The following PREPL variants were observed in gnomAD, a reference collection of about 807,000 sequenced individuals.
The protein encoded by PREPL is prolyl endopeptidase like, also known as prolyl endopeptidase-like.
In PREPL, 77 loss-of-function variants were observed where a neutral mutation model predicts 70.6. That is an observed-to-expected ratio of 1.09 (90% CI 0.91 to 1.32). The LOEUF (loss-of-function observed/expected upper bound fraction) is 1.32, where lower values mean the gene tolerates loss of function less well. Ranked by LOEUF, PREPL falls within the 40% of genes most tolerant of loss-of-function variation. PREPL has a pLI of 0.00. For synonymous variants in PREPL, 315 were observed against 264.8 expected (o/e 1.19, Z -1.84); for missense variants, 1,002 against 778.2 (o/e 1.29, Z -3.42).
rs1255168540 is a variant in PREPL at position 44,360,767 on chromosome 2, G to C, written c.-49+613C>G. ...TTAACATTAAGACCATACAGTGCCT[G>C]GCACATAGTGACCACTCAATAAATG... On this transcript the variant is annotated intron_variant, in intron 1 of 13. Coordinates refer to ENST00000409411, the MANE Select transcript of PREPL (RefSeq NM_001171613.2). The C allele has an allele frequency of 3.9e-5, 6 of 152,284 alleles. No homozygotes were observed. The South Asian group carries it at 1.2e-3, about 32-fold the overall frequency. The allele number at this position is 152,284 out of a possible 1,614,324, so 9.4% of individuals were successfully genotyped here.
intron 1 of PREPL, among the ~76,000 whole-genome samples, chr2:44,346,624 A>T (rs963759208): frequency 6.6e-6 from 1 of 152,176 alleles, no homozygotes; most frequent in Non-Finnish European, 1.5e-5. Context: ...TTATACTATT[A>T]TTTTAGATGA....
At chr2:44,360,333 C>G (rs1463676084) in intron 1 of PREPL, 1 of 152,166 alleles carries the variant, frequency 6.6e-6, no homozygotes, top group African/African-American at 2.4e-5. Context: ...TATTACCATG[C>G]ACATTTTACA....
Position 44,359,762 on chromosome 2 carries a change from C to T in PREPL, c.-49+1618G>A, listed in dbSNP as rs182137976. The T allele has an allele frequency of 4.7e-4, 632 of 1,340,374 alleles. 2 individuals carry two copies. In the East Asian group the frequency reaches 5.8e-3, roughly 12 times the overall value. 83.0% of individuals were successfully genotyped at this position (1,340,374 alleles called of 1,614,324 possible). A position where few individuals can be genotyped will look rare whatever the true frequency, so the allele number is the denominator to read the frequency against. ...TGCTCCTTTTGGGGCTGCCAGCACA[C>T]GAATGATTTTATAGGTATGATTACA... On this transcript the variant is annotated intron_variant, in intron 1 of 13. Transcript: ENST00000409411.
In PREPL at chr2:44,320,406, A is replaced by G. The variant is rs1218188442; in HGVS notation, c.*950T>C. On this transcript the variant is annotated 3_prime_UTR_variant, in exon 14 of 14. Transcript: ENST00000409411. ...AGAATCAACACTGTTAAATCTACAT[A>G]ATATGATTTCGGGCCTTCCCGCTAA... The G allele has an allele frequency of 1.2e-6, 2 of 1,613,974 alleles. No individual in the cohort carries two copies. Among genetic ancestry groups the G allele is most frequent in the African/African-American group, 1.3e-5 (1 of 74,934 alleles).
In PREPL at chr2:44,335,072, G is replaced by C. The variant is rs534409627; in HGVS notation, c.889-2416C>G. Among the ~76,000 whole-genome samples, 37 of 152,230 alleles carry C rather than the reference G, an allele frequency of 2.4e-4. No individual in the cohort carries two copies. In the South Asian group the frequency reaches 7.5e-3, roughly 31 times the overall value. ...TTTATTATATACCAGGTACTAACCAGAAAGATCAAGAAGTATTTAATTCCA... is the reference window on the plus strand; with the variant it reads ...TTTATTATATACCAGGTACTAACCACAAAGATCAAGAAGTATTTAATTCCA... On this transcript the variant is annotated intron_variant, in intron 7 of 13. Coordinates refer to ENST00000409411, the MANE Select transcript of PREPL (RefSeq NM_001171613.2).
At chr2:44,325,427 TG>T (rs1325505365) in intron 10 of PREPL, among the ~76,000 whole-genome samples, 1 of 152,232 alleles carries the variant, frequency 6.6e-6, no homozygotes, top group Non-Finnish European at 1.5e-5. Context: ...CCTCTAACAC[TG>T]GTCTGAAGAC....
chr2:44,333,688 G>C (rs1208598542), intron 7 of PREPL, among the ~76,000 whole-genome samples: 1 of 152,008 alleles, frequency 6.6e-6, no homozygotes, highest in Non-Finnish European at 1.5e-5. Flanking sequence ...ATCTCTAAAA[G>C]CTCCTAATGT....
At chr2:44,354,483 C>A (rs958651468) in intron 1 of PREPL, among the ~76,000 whole-genome samples, 2 of 152,094 alleles carry the variant, frequency 1.3e-5, no homozygotes, top group African/African-American at 2.4e-5. Context: ...CTACTATCTA[C>A]ATGTAACAAC....
chr2:44,328,587 A>C (rs1393369205), intron 9 of PREPL, among the ~76,000 whole-genome samples: 2 of 152,160 alleles, frequency 1.3e-5, no homozygotes, highest in Non-Finnish European at 2.9e-5. Context: ...ATACAAAATA[A>C]TATTTGTGTC....
At chr2:44,344,908 A>G (rs766171205) in intron 2 of PREPL, among the ~76,000 whole-genome samples, 2 of 152,220 alleles carry the variant, frequency 1.3e-5, no homozygotes, top group Non-Finnish European at 2.9e-5. Context: ...ATACCTGTAC[A>G]GTGGGAGTCA....
At chr2:44,350,962 T>C (rs1313399298) in intron 1 of PREPL, among the ~76,000 whole-genome samples, 1 of 102,616 alleles carries the variant, frequency 9.7e-6, no homozygotes, top group Non-Finnish European at 2.6e-5. Flanking sequence ...CTCAACTCCC[T>C]GGCTTTTTTT....
chr2:44,353,027 G>C (rs1263772359), intron 1 of PREPL, among the ~76,000 whole-genome samples: 3 of 151,008 alleles, frequency 2.0e-5, no homozygotes, highest in Admixed American at 1.3e-4. Flanking sequence ...CAGGAGGATT[G>C]CTTGAGCCCA....
At chr2:44,361,711 AAGGCTAAAACAATG>A (rs1677839236), upstream of PREPL, 1 of 373,224 alleles carries the variant, frequency 2.7e-6, no homozygotes, top group Non-Finnish European at 4.7e-6. Flanking sequence ...TGAAGCACAG[AAGGCTAAAACAATG>A]AGGGACAGCG....
At chr2:44,329,376 G>A (rs1174974232) in intron 8 of PREPL, among the ~76,000 whole-genome samples, 1 of 152,154 alleles carries the variant, frequency 6.6e-6, no homozygotes, top group Non-Finnish European at 1.5e-5. Context: ...AGCTTTTCAT[G>A]ACAATAATGT....
intron 13 of PREPL, 32 bp downstream of exon 13, chr2:44,321,795 A>G: frequency 1.2e-6 from 2 of 1,613,826 alleles, no homozygotes; most frequent in African/African-American, 1.3e-5. Context: ...TAGTTCGGGA[A>G]TCTGTCCACT....
chr2:44,320,509 G>T lies in PREPL; in HGVS notation c.*847C>A. 6.2e-7 allele frequency: 1 copy of T among 1,614,144 alleles called. No homozygotes were observed. The highest frequency in any genetic ancestry group is 8.5e-7 in the Non-Finnish European group (1 of 1,179,978). ...ACAAGTGGCATTTTTCTGGACAAGG[G>T]AGAGGGACTCATCTTTGAACACAAC... On this transcript the variant is annotated 3_prime_UTR_variant, in exon 14 of 14. Transcript: ENST00000409411.
intron 7 of PREPL, among the ~76,000 whole-genome samples, chr2:44,335,706 A>G (rs1186972830): frequency 6.6e-6 from 1 of 152,308 alleles, no homozygotes; most frequent in East Asian, 1.9e-4. Flanking sequence ...ACTGGAAACT[A>G]AAGAGTTCCT....
In PREPL at chr2:44,343,895, G is replaced by A; in HGVS notation, c.199C>T (p.Pro67Ser). The change falls in exon 4 of 14, where the codon CCC becomes TCC. Residue 67 changes from proline to serine, a missense_variant. Pro to Ser is a moderately conservative substitution (Grantham distance 74). Coordinates refer to ENST00000409411, the MANE Select transcript of PREPL (RefSeq NM_001171613.2). ...GCAACTCTGATACAATCAATGAAGGGCTGGTCTAACTTAAGTTCCTCCAAA... is the reference window on the plus strand; with the variant it reads ...GCAACTCTGATACAATCAATGAAGGACTGGTCTAACTTAAGTTCCTCCAAA... ...FNLEELKLDQ[P>S]FIDCIRVAPD... The A allele has an allele frequency of 1.2e-6, 2 of 1,614,030 alleles. No individual in the cohort carries two copies. The highest frequency in any genetic ancestry group is 8.5e-7 in the Non-Finnish European group (1 of 1,179,952).
At chr2:44,358,878 T>G (rs1418610054) in intron 1 of PREPL, among the ~76,000 whole-genome samples, 4 of 152,182 alleles carry the variant, frequency 2.6e-5, no homozygotes, top group Non-Finnish European at 4.4e-5. Context: ...TGATTTGTGA[T>G]TCATAAAACA....
Sources: gnomAD v4.1 joint callset for allele counts (sites outside exome capture counted in the v4.1 genomes callset) on GRCh38, gnomAD v4.1.1 for gene constraint, MANE v1.5 for transcripts, NCBI Gene and HGNC (gene_info 2026-07-23, HGNC 2026-07-21) for gene names.